The following GRM1 variants were observed in gnomAD, a reference collection of about 807,000 sequenced individuals.
GRM1 encodes the protein glutamate metabotropic receptor 1, also known as metabotropic glutamate receptor 1.
A neutral mutation model predicts 90.9 loss-of-function variants in GRM1; 33 were observed. The observed-to-expected ratio is 0.36, with a 90% CI of 0.28 to 0.49. The LOEUF (loss-of-function observed/expected upper bound fraction) is 0.49, where lower values mean the gene tolerates loss of function less well. GRM1 is among the 20% of genes least tolerant of loss of function. The probability of loss-of-function intolerance (pLI) is 0.99; values close to 1 mark genes in which losing one functional copy is unlikely to be tolerated. For missense variants in GRM1, 1,190 were observed against 1,534.3 expected (o/e 0.78, Z 3.75); for synonymous variants, 700 against 613.2 (o/e 1.14, Z -2.09).
intron 5 of GRM1, among the ~76,000 whole-genome samples, chr6:146,370,038 A>C (rs1562645242): frequency 2.0e-5 from 3 of 151,974 alleles, no homozygotes; most frequent in Admixed American, 1.3e-4. Flanking sequence ...CAACTGTCAT[A>C]TCCTCTTGTT....
intron 3 of GRM1, among the ~76,000 whole-genome samples, chr6:146,309,513 C>T (rs994549392): frequency 6.6e-6 from 1 of 151,904 alleles, no homozygotes; most frequent in Non-Finnish European, 1.5e-5. Context: ...GCATAATTAT[C>T]ATCACAGTGT....
At chr6:146,108,630 A>G (rs188300469) in intron 1 of GRM1, among the ~76,000 whole-genome samples, 1 of 152,280 alleles carries the variant, frequency 6.6e-6, no homozygotes, top group African/African-American at 2.4e-5. Context: ...GTACCAGTAG[A>G]CTGGGGTGCT....
At chr6:146,270,912 T>TCTTTTCTTTCTTCCTTCCTTC (rs1782121052) in intron 2 of GRM1, among the ~76,000 whole-genome samples, 1 of 86,814 alleles carries the variant, frequency 1.2e-5, no homozygotes, top group African/African-American at 5.7e-5. Context: ...TTTCTTTCTT[T>TCTTTTCTTTCTTCCTTCCTTC]CTTCCTTCCT....
At position 146,401,970 on chromosome 6, in the gene GRM1, C is replaced by G. The variant is rs147752891; in HGVS notation, c.2660+2271C>G. ...GCATTGCTGCAAGAGATTACCTTCC[C>G]ACACCTGGAACCACTTTCCTTATAA... On this transcript the variant is annotated intron_variant, in intron 7 of 7. Coordinates refer to ENST00000282753, the MANE Select transcript of GRM1 (RefSeq NM_001278064.2). Among the ~76,000 whole-genome samples the G allele has an allele frequency of 3.3e-3, 496 of 152,240 alleles. 2 individuals are homozygous for G. The highest frequency in any genetic ancestry group is 6.0e-3 in the Non-Finnish European group (407 of 68,006).
At chr6:146,407,143 C>T (rs965283443) in intron 7 of GRM1, among the ~76,000 whole-genome samples, 4 of 152,268 alleles carry the variant, frequency 2.6e-5, no homozygotes, top group African/African-American at 4.8e-5. Context: ...TACTTTAGAA[C>T]GAACGTAGCT....
In GRM1 at chr6:146,292,852, G is replaced by C. The variant is rs530435888; in HGVS notation, c.951-11759G>C. ...GAAGCACTATTCATGATAGCCAAAA[G>C]ATGGAAACAACCCAAAAGCTCATCA... On this transcript the variant is annotated intron_variant, in intron 2 of 7. Transcript: ENST00000282753. Among the ~76,000 whole-genome samples the C allele has an allele frequency of 1.1e-4, 16 of 152,066 alleles. No individual in the cohort carries two copies. The South Asian group carries it at 2.5e-3, about 24-fold the overall frequency.
intron 5 of GRM1, among the ~76,000 whole-genome samples, chr6:146,386,497 TAC>T (rs1410935424): frequency 6.6e-6 from 1 of 152,092 alleles, no homozygotes; most frequent in Non-Finnish European, 1.5e-5. Flanking sequence ...AAGGTTTTAT[TAC>T]AGACTTTTTT....
In GRM1 at chr6:146,395,354, A is replaced by C. The variant is rs138389737; in HGVS notation, c.1730-3415A>C. Among the ~76,000 whole-genome samples, 348 of 151,870 alleles carry C rather than the reference A, an allele frequency of 2.3e-3. 2 individuals carry two copies. The highest frequency in any genetic ancestry group is 8.2e-3 in the African/African-American group (337 of 41,234). On this transcript the variant is annotated intron_variant, in intron 6 of 7. Transcript: ENST00000282753. ...TTAAGTTAGTTGTTGAGTCTATTTCAGAACTATTTGAAAGTTTCCTAAAGT... is the reference window on the plus strand; with the variant it reads ...TTAAGTTAGTTGTTGAGTCTATTTCCGAACTATTTGAAAGTTTCCTAAAGT...
At chr6:146,057,185 C>A (rs754231203) in intron 1 of GRM1, among the ~76,000 whole-genome samples, 1 of 152,102 alleles carries the variant, frequency 6.6e-6, no homozygotes, top group Non-Finnish European at 1.5e-5. Context: ...TCTTTTTCAT[C>A]CTGTCACACA....
At position 146,339,848 on chromosome 6, in the gene GRM1, G is replaced by A. The variant is rs562629054; in HGVS notation, c.1187-12402G>A. ...TCCCTTAACATCATAAGCTACGTTG[G>A]GCTTCTGTAACTTGTACCACCATAA... On this transcript the variant is annotated intron_variant, in intron 3 of 7. Transcript: ENST00000282753. Among the ~76,000 whole-genome samples the A allele has an allele frequency of 5.9e-5, 9 of 152,258 alleles. No individual in the cohort carries two copies. In the South Asian group the frequency reaches 1.9e-3, roughly 32 times the overall value.
chr6:146,366,510 C>T (rs886662562), intron 5 of GRM1, among the ~76,000 whole-genome samples: 1 of 152,138 alleles, frequency 6.6e-6, no homozygotes, highest in African/African-American at 2.4e-5. Flanking sequence ...CTTTCCCCTT[C>T]CCAGCCTCAG....
Position 146,398,985 on chromosome 6 carries a change from T to C in GRM1, c.1946T>C (p.Ile649Thr). 6.2e-7 allele frequency: 1 copy of C among 1,614,092 alleles called. No individual in the cohort carries two copies. Among genetic ancestry groups the C allele is most frequent in the Non-Finnish European group, 8.5e-7 (1 of 1,179,982 alleles). Residue 649 changes from isoleucine to threonine, a missense_variant, in exon 7 of 8, where the codon ATT becomes ACT. Physicochemically the swap from Ile to Thr is moderately conservative, Grantham distance 89 (BLOSUM62 -1). This residue lies in a region of GRM1 where 414 missense variants were observed against 598.4 expected (regional missense o/e 0.69). Coordinates refer to ENST00000282753, the MANE Select transcript of GRM1 (RefSeq NM_001278064.2). ...GGTTATGTGTGCCCATTCACTCTCATTGCCAAACCTACTACCACCTCCTGC... is the reference window on the plus strand; with the variant it reads ...GGTTATGTGTGCCCATTCACTCTCACTGCCAAACCTACTACCACCTCCTGC... ...FLGYVCPFTL[I>T]AKPTTTSCYL...
chr6:146,390,214 T>G (rs1156409086), intron 6 of GRM1, among the ~76,000 whole-genome samples: 1 of 152,076 alleles, frequency 6.6e-6, no homozygotes, highest in African/African-American at 2.4e-5. Context: ...TTAGCTACTT[T>G]TAATATATAC....
Position 146,136,107 on chromosome 6 carries a change from A to C in GRM1, c.701-23241A>C, listed in dbSNP as rs4591873. Among the ~76,000 whole-genome samples, 880 of 152,300 alleles carry C rather than the reference A, an allele frequency of 5.8e-3. 8 individuals are homozygous for C. The highest frequency in any genetic ancestry group is 0.02 in the African/African-American group (841 of 41,586). On this transcript the variant is annotated intron_variant, in intron 1 of 7. Transcript: ENST00000282753. The stretch of plus-strand genomic sequence containing the variant: ...TCCATTCATGTTGTTGGAAATGAGA[A>C]TATATCATTCTTGTTATGGCTGAAC...
intron 2 of GRM1, among the ~76,000 whole-genome samples, chr6:146,203,397 T>A (rs1779388585): frequency 1.3e-5 from 2 of 151,846 alleles, no homozygotes; most frequent in Non-Finnish European, 1.5e-5. Context: ...GGCATTAGAG[T>A]CCTCTGTTTC....
At chr6:146,228,531 C>T (rs1780331066) in intron 2 of GRM1, among the ~76,000 whole-genome samples, 1 of 152,156 alleles carries the variant, frequency 6.6e-6, no homozygotes, top group African/African-American at 2.4e-5. Context: ...GAAATTTCAA[C>T]ATGATTTTTT....
intron 5 of GRM1, among the ~76,000 whole-genome samples, chr6:146,362,740 T>A (rs1775537349): frequency 6.6e-6 from 1 of 151,792 alleles, no homozygotes; most frequent in East Asian, 1.9e-4. Context: ...AATTTTCATC[T>A]TAAAAGGCAT....
intron 2 of GRM1, among the ~76,000 whole-genome samples, chr6:146,252,827 C>T (rs767149662): frequency 2.7e-4 from 41 of 151,638 alleles, no homozygotes; most frequent in Admixed American, 5.3e-4. Context: ...TTTGGGGGGC[C>T]GAGGCAGGCA....
intron 3 of GRM1, among the ~76,000 whole-genome samples, chr6:146,307,221 G>T (rs1783609532): frequency 6.6e-6 from 1 of 152,150 alleles, no homozygotes; most frequent in Non-Finnish European, 1.5e-5. Context: ...TGCTGTGCTT[G>T]AATCTCAAAG....
Sources: allele counts gnomAD v4.1 joint callset (sites outside exome capture counted in the v4.1 genomes callset), GRCh38; gene constraint gnomAD v4.1.1; regional missense constraint gnomAD v4.1.1; transcripts MANE v1.5; gene names NCBI Gene and HGNC (gene_info 2026-07-23, HGNC 2026-07-21).